Variants in WNK3 observed in about 807,000 individuals in gnomAD.
WNK3 encodes the protein serine/threonine-protein kinase WNK3.
Under a neutral mutation model 116.7 loss-of-function variants are expected in WNK3, and 18 were observed. The observed-to-expected ratio is 0.15, with a 90% confidence interval of 0.11 to 0.23. WNK3 has a LOEUF of 0.23. Among genes scored for constraint, WNK3 ranks in the 10% least tolerant of loss-of-function variants. WNK3 has a pLI of 1.00. For synonymous variants in WNK3, 404 were observed against 469.4 expected (o/e 0.86, Z 1.80); for missense variants, 993 against 1,323.8 (o/e 0.75, Z 3.88).
At chrX:54,276,352 C>A (rs61557855) in intron 10 of WNK3, among the ~76,000 whole-genome samples, 3,909 of 106,709 alleles carry the variant, frequency 0.037, 183 homozygotes, top group African/African-American at 0.13. Context: ...AACAAACAAA[C>A]AAAAAAAAAC....
intron 11 of WNK3, among the ~76,000 whole-genome samples, chrX:54,256,419 T>G (rs2068193634): frequency 8.9e-6 from 1 of 111,809 alleles, no homozygotes; most frequent in Non-Finnish European, 1.9e-5. Context: ...GATATGAAAA[T>G]GAATGATGTA....
At chrX:54,212,914 A>C (rs1004278475) in intron 22 of WNK3, among the ~76,000 whole-genome samples, 1 of 111,590 alleles carries the variant, frequency 9.0e-6, no homozygotes, top group Admixed American at 9.6e-5. Context: ...GTTAGTATAC[A>C]CATGTATAGT....
chrX:54,202,923 A>G (rs940486520), intron 22 of WNK3, among the ~76,000 whole-genome samples: 14 of 111,336 alleles, frequency 1.3e-4, no homozygotes, highest in African/African-American at 4.2e-4. Flanking sequence ...GCCCAGAATA[A>G]GTAAACTGAC....
At chrX:54,348,772 T>C (rs1557178087) in intron 1 of WNK3, among the ~76,000 whole-genome samples, 1 of 111,635 alleles carries the variant, frequency 9.0e-6, no homozygotes, top group African/African-American at 3.2e-5. Flanking sequence ...CAAGTATCTT[T>C]CACATAAACA....
At chrX:54,251,971 A>G (rs1026673767) in intron 13 of WNK3, among the ~76,000 whole-genome samples, 1 of 107,183 alleles carries the variant, frequency 9.3e-6, no homozygotes, top group Non-Finnish European at 1.9e-5. Context: ...AGGCTGAGGC[A>G]GGAGAATTGC....
At chrX:54,214,236 G>A (rs781821051) in intron 22 of WNK3, among the ~76,000 whole-genome samples, 3 of 111,298 alleles carry the variant, frequency 2.7e-5, no homozygotes, top group Non-Finnish European at 5.6e-5. Context: ...TCCCGCCTTG[G>A]CCTCCCAAAG....
intron 22 of WNK3, among the ~76,000 whole-genome samples, chrX:54,219,765 A>G (rs1174939029): frequency 9.1e-6 from 1 of 110,167 alleles, no homozygotes; most frequent in Non-Finnish European, 1.9e-5. Context: ...TCTCATAGAC[A>G]TCATGCTCTG....
At chrX:54,358,217 G>A (rs1020513487), upstream of WNK3, among the ~76,000 whole-genome samples, 14 of 111,417 alleles carry the variant, frequency 1.3e-4, no homozygotes, top group Non-Finnish European at 1.9e-5. Context: ...GGCGCCGCGG[G>A]AGAGAGGGAT....
chrX:54,313,845 A>G (rs1557170166), intron 2 of WNK3, among the ~76,000 whole-genome samples: 1 of 111,345 alleles, frequency 9.0e-6, no homozygotes, highest in Non-Finnish European at 1.9e-5. Context: ...ATTTCATAAT[A>G]TCCTGTCTAA....
chrX:54,351,296 A>C (rs2069512305), intron 1 of WNK3, among the ~76,000 whole-genome samples: 1 of 111,248 alleles, frequency 9.0e-6, no homozygotes, highest in African/African-American at 3.3e-5. Context: ...GACTATAACT[A>C]TTCCACAACC....
intron 2 of WNK3, among the ~76,000 whole-genome samples, chrX:54,327,592 C>A (rs1477053262): frequency 1.8e-5 from 2 of 111,396 alleles, no homozygotes; most frequent in Non-Finnish European, 3.8e-5. Flanking sequence ...GTGGCTTGTG[C>A]CTGTAGTCCC....
At chrX:54,339,707 C>T (rs142772672) in intron 1 of WNK3, among the ~76,000 whole-genome samples, 1,907 of 111,877 alleles carry the variant, frequency 0.017, 16 homozygotes, top group Non-Finnish European at 0.028. Context: ...ACCCCGACCT[C>T]GTACCATACA....
At chrX:54,210,828 C>A (rs2067605373) in intron 22 of WNK3, among the ~76,000 whole-genome samples, 1 of 111,764 alleles carries the variant, frequency 8.9e-6, no homozygotes. Context: ...GGACAAAATT[C>A]AAAAACAATC....
intron 1 of WNK3, among the ~76,000 whole-genome samples, chrX:54,335,205 C>T (rs1406809042): frequency 4.5e-5 from 5 of 110,496 alleles, no homozygotes; most frequent in Non-Finnish European, 7.6e-5. Flanking sequence ...GCTGAGGTTG[C>T]GCCACTGCAC....
intron 17 of WNK3, among the ~76,000 whole-genome samples, chrX:54,245,922 A>G (rs993406352): frequency 1.8e-5 from 2 of 112,205 alleles, no homozygotes; most frequent in Non-Finnish European, 3.8e-5. Context: ...TTTTATTCCT[A>G]CCAACATAAA....
rs782484557 is a variant in WNK3 at position 54,348,043 on chromosome X, G to A, written c.-120+9643C>T. On this transcript the variant is annotated intron_variant, in intron 1 of 23. Transcript: ENST00000354646. ...TTAAGATACATGTTTTTCCTTTTCA[G>A]TACATATAAGTTTCTCATTCTTATT... 5.4e-5 allele frequency among the ~76,000 whole-genome samples: 6 copies of A among 110,287 alleles called. No homozygotes were observed. In the East Asian group the frequency reaches 1.1e-3, roughly 21 times the overall value.
At chrX:54,206,228 G>A (rs1385826219) in intron 22 of WNK3, among the ~76,000 whole-genome samples, 3 of 110,017 alleles carry the variant, frequency 2.7e-5, no homozygotes, top group African/African-American at 6.6e-5. Flanking sequence ...GGAGGATCTC[G>A]TCTCAAAAAA....
intron 2 of WNK3, among the ~76,000 whole-genome samples, chrX:54,325,323 T>C (rs1442798331): frequency 3.6e-5 from 4 of 111,398 alleles, no homozygotes; most frequent in African/African-American, 1.3e-4. Context: ...CACACTCAAA[T>C]ACATTTCAGA....
chrX:54,199,720 G>T (rs1161811481), intron 23 of WNK3, among the ~76,000 whole-genome samples: 1 of 111,469 alleles, frequency 9.0e-6, no homozygotes, highest in African/African-American at 3.3e-5. Flanking sequence ...TGTAATCTCG[G>T]CTACTCAGGA....
Sources: allele counts gnomAD v4.1 joint callset (sites outside exome capture counted in the v4.1 genomes callset), GRCh38; gene constraint gnomAD v4.1.1; transcripts MANE v1.5; gene names NCBI Gene and HGNC (gene_info 2026-07-23, HGNC 2026-07-21).